Variants in SLC2A8 observed in about 807,000 individuals in gnomAD.
SLC2A8 encodes the protein solute carrier family 2 member 8.
SLC2A8 carries 53 observed loss-of-function variants against 49.2 expected under a neutral mutation model. The observed-to-expected ratio is 1.08, with a 90% confidence interval of 0.86 to 1.35. SLC2A8 has a LOEUF of 1.35. Among genes scored for constraint, SLC2A8 ranks in the 40% most tolerant of loss-of-function variants. SLC2A8 has a pLI of 0.00. For missense variants in SLC2A8, 688 were observed against 671.7 expected, an observed-to-expected ratio of 1.02 and a Z score of -0.27; for synonymous variants, 299 against 297.0, an observed-to-expected ratio of 1.01 and a Z score of -0.07.
In SLC2A8 at chr9:127,399,173, G is replaced by C. The variant is rs1833170303; in HGVS notation, c.427-734G>C. On this transcript the variant is annotated intron_variant, in intron 3 of 9. Coordinates refer to ENST00000373371, the MANE Select transcript of SLC2A8 (RefSeq NM_014580.5). The surrounding 1 kb of genome is among the most constrained non-coding windows in gnomAD (Gnocchi z 4.2). ...AGAGAGTTCGTGCTTCTAGTCCAAG[G>C]CCACCACTCAAAGCGTGGGCCCTGG... Among the ~76,000 whole-genome samples, 1 of 152,184 alleles carries C rather than the reference G, an allele frequency of 6.6e-6. No individual in the cohort carries two copies. Among genetic ancestry groups the C allele is most frequent in the South Asian group, 2.1e-4 (1 of 4,830 alleles).
chr9:127,397,472 C>G lies in SLC2A8; in HGVS notation c.153C>G (p.Ile51Met), dbSNP rs991644418. ...CGCTCGGCTACAGCTCCCCGGCCAT[C>G]CCTAGCCTGCAGCGCGCCGCGCCCC... ...GFALGYSSPAIPSLQRAAPPA... is the reference protein window; with the variant it reads ...GFALGYSSPAMPSLQRAAPPA... Residue 51 changes from isoleucine (I) to methionine (M), a missense_variant, in exon 2 of 10, where the codon ATC (isoleucine) becomes ATG (methionine). Ile to Met is a conservative substitution (Grantham distance 10, BLOSUM62 1). Transcript: ENST00000373371. 1.1e-5 allele frequency: 16 copies of G among 1,481,306 alleles called. No homozygotes were observed. The African/African-American group carries it at 2.1e-4, about 19-fold the overall frequency. 91.8% of individuals were successfully genotyped at this position (1,481,306 alleles called of 1,614,324 possible).
intron 9 of SLC2A8, chr9:127,406,125 G>A (rs1833484679): frequency 2.0e-6 from 1 of 509,664 alleles, no homozygotes; most frequent in Admixed American, 2.0e-5. Flanking sequence ...TAGATGATCT[G>A]GTTGTTTGTT....
In SLC2A8 at chr9:127,397,286, G is replaced by C; in HGVS notation, c.56G>C (p.Ser19Thr). 7.2e-7 allele frequency: 1 copy of C among 1,391,452 alleles called. No individual in the cohort carries two copies. Among genetic ancestry groups the C allele is most frequent in the Middle Eastern group, 2.3e-4 (1 of 4,398 alleles). 86.2% of individuals were successfully genotyped at this position (1,391,452 alleles called of 1,614,324 possible). The part of the protein sequence containing the change: ...TQPLLGPPGG[S>T]APRGRRVFLA... The stretch of plus-strand genomic sequence containing the variant: ...CCGCTTCTGGGGCCTCCTGGCGGCA[G>C]GTGAGCTCCGGGGAACCCGGGCCCG... The change falls in exon 1 of 10, where the codon AGC becomes ACC. Residue 19 changes from serine to threonine, a missense_variant and splice_region_variant. By Grantham distance (58) the Ser-to-Thr change is moderately conservative (BLOSUM62 1). Coordinates refer to ENST00000373371, the MANE Select transcript of SLC2A8 (RefSeq NM_014580.5).
In SLC2A8 at chr9:127,404,123, G is replaced by A. The variant is rs114648064; in HGVS notation, c.976+56G>A. 3,685 of 1,227,374 alleles carry A rather than the reference G, an allele frequency of 3.0e-3. 100 individuals carry two copies. The African/African-American group carries it at 0.05, about 17-fold the overall frequency. The allele number at this position is 1,227,374 out of a possible 1,614,324, so 76.0% of individuals were successfully genotyped here. A position where few individuals can be genotyped will look rare whatever the true frequency, so the allele number is the denominator to read the frequency against. ...CCATGCGGGGGAGGGCCTTCGCCAA[G>A]GCCACCACACTGCAGGAGGAGGACA... On this transcript the variant is annotated intron_variant, in intron 7 of 9. Coordinates refer to ENST00000373371, the MANE Select transcript of SLC2A8 (RefSeq NM_014580.5).
At chr9:127,403,345 G>A in intron 5 of SLC2A8, 2 of 430,302 alleles carry the variant, frequency 4.6e-6, no homozygotes, top group Non-Finnish European at 8.6e-6. Context: ...CTAGGGCCAG[G>A]CCCAGACCTG....
chr9:127,405,393 C>G (rs1334270757), intron 8 of SLC2A8, 27 bp from the exon 9 acceptor site: 2 of 1,609,586 alleles, frequency 1.2e-6, no homozygotes, highest in Non-Finnish European at 8.5e-7. Flanking sequence ...GACCCTGATG[C>G]CTGTCTTGCC....
Position 127,405,540 on chromosome 9 carries a change from T to C in SLC2A8, c.1271T>C (p.Val424Ala), listed in dbSNP as rs1328066380. Residue 424 changes from valine (V) to alanine (A), a missense_variant, in exon 9 of 10, where the codon GTG becomes GCG. By Grantham distance (64) the Val-to-Ala change is moderately conservative. Transcript: ENST00000373371. Reference protein sequence around the residue: ...VLTNWLMAFLVTKEFSSLMEV... With the variant: ...VLTNWLMAFLATKEFSSLMEV... The stretch of plus-strand genomic sequence containing the variant: ...ACCAACTGGCTCATGGCCTTTCTCG[T>C]GACCAAGGAGTTCAGCAGCCTCATG... 6.2e-7 allele frequency: 1 copy of C among 1,613,252 alleles called. No homozygotes were observed. The highest frequency in any genetic ancestry group is 8.5e-7 in the Non-Finnish European group (1 of 1,179,986).
At chr9:127,397,807 GC>G in intron 2 of SLC2A8, 97 bp from the exon 3 acceptor site, 1 of 1,282,702 alleles carries the variant, frequency 7.8e-7, no homozygotes, top group Non-Finnish European at 1.0e-6. Context: ...CGGGCGCGGG[GC>G]CCCGGCTCTT....
In SLC2A8 at chr9:127,405,413, C is replaced by G. The variant is rs745989592; in HGVS notation, c.1151-7C>G. On this transcript the variant is annotated splice_region_variant and splice_polypyrimidine_tract_variant and intron_variant, in intron 8 of 9. Transcript: ENST00000373371. ...TGATGCCTGTCTTGCCTGTCTCGCTCCCACAGGCTTTGCGGTGGGCTGGGG... is the reference window on the plus strand; with the variant it reads ...TGATGCCTGTCTTGCCTGTCTCGCTGCCACAGGCTTTGCGGTGGGCTGGGG... 1 of 1,612,260 alleles carries G rather than the reference C, an allele frequency of 6.2e-7. No individual in the cohort carries two copies. Among genetic ancestry groups the G allele is most frequent in the African/African-American group, 1.3e-5 (1 of 75,048 alleles).
chr9:127,404,197 G>A, intron 7 of SLC2A8, 130 bp downstream of exon 7: 1 of 655,866 alleles, frequency 1.5e-6, no homozygotes, highest in Non-Finnish European at 2.6e-6. Context: ...GCCATGATTT[G>A]ACAGCAGCTT....
intron 2 of SLC2A8, 57 bp downstream of exon 2, chr9:127,397,595 G>A: frequency 1.5e-6 from 2 of 1,363,132 alleles, no homozygotes; most frequent in Middle Eastern, 2.7e-4. Flanking sequence ...CTCTCGGGAC[G>A]GGCATCGGGA....
chr9:127,397,212 A>C lies in SLC2A8; in HGVS notation c.-19A>C. 2 of 1,454,806 alleles carry C rather than the reference A, an allele frequency of 1.4e-6. No individual in the cohort carries two copies. Among genetic ancestry groups the C allele is most frequent in the Non-Finnish European group, 1.8e-6 (2 of 1,111,768 alleles). The allele number at this position is 1,454,806 out of a possible 1,614,324, so 90.1% of individuals were successfully genotyped here. On this transcript the variant is annotated 5_prime_UTR_variant, in exon 1 of 10. Coordinates refer to ENST00000373371, the MANE Select transcript of SLC2A8 (RefSeq NM_014580.5). ...GCGGTTCAGGCGCCAGAGCTGGCCG[A>C]TCGGCGTTGGCCGCCGACATGACGC... is the stretch of plus-strand genomic sequence containing the variant.
chr9:127,397,191 T>C lies in SLC2A8; in HGVS notation c.-40T>C, dbSNP rs1183868503. ...GCCGCACTCGCAGGGCCCGTGGCGGTTCAGGCGCCAGAGCTGGCCGATCGG... is the reference window on the plus strand; with the variant it reads ...GCCGCACTCGCAGGGCCCGTGGCGGCTCAGGCGCCAGAGCTGGCCGATCGG... On this transcript the variant is annotated 5_prime_UTR_variant, in exon 1 of 10. Coordinates refer to ENST00000373371, the MANE Select transcript of SLC2A8 (RefSeq NM_014580.5). 2.8e-6 allele frequency: 4 copies of C among 1,443,494 alleles called. No individual in the cohort carries two copies. The South Asian group carries it at 4.1e-5, about 15-fold the overall frequency. 89.4% of individuals were successfully genotyped at this position (1,443,494 alleles called of 1,614,324 possible). A position where few individuals can be genotyped will look rare whatever the true frequency, so the allele number is the denominator to read the frequency against.
intron 9 of SLC2A8, 76 bp from the exon 10 acceptor site, chr9:127,407,036 C>T (rs1833515772): frequency 3.9e-6 from 6 of 1,555,478 alleles, no homozygotes; most frequent in South Asian, 1.1e-5. Context: ...CCCCTGGTGG[C>T]AGAGCTGTCT....
intron 3 of SLC2A8, 144 bp downstream of exon 3, chr9:127,398,255 G>A (rs1339472763): frequency 1.1e-5 from 10 of 871,498 alleles, no homozygotes; most frequent in Admixed American, 3.4e-5. Flanking sequence ...GTTATCTCGC[G>A]GTCCCTCCCG....
intron 8 of SLC2A8, 69 bp from the exon 9 acceptor site, chr9:127,405,351 C>T: frequency 6.4e-7 from 1 of 1,557,358 alleles, no homozygotes. Flanking sequence ...GGTCTCTTGG[C>T]TCTGCAGCAA....
At position 127,398,024 on chromosome 9, in the gene SLC2A8, C is replaced by T. The variant is rs2131873122; in HGVS notation, c.339C>T (p.Val113=). The T allele has an allele frequency of 6.3e-7, 1 of 1,576,912 alleles. No individual in the cohort carries two copies. The highest frequency in any genetic ancestry group is 8.6e-7 in the Non-Finnish European group (1 of 1,168,492). The change falls in exon 3 of 10, where the codon GTC becomes GTT. Residue 113 remains valine, a synonymous_variant. Transcript: ENST00000373371. The part of the protein sequence containing the change: ...CSVPFVAGFA[V]ITAAQDVWML... Reference sequence around the variant, plus strand: ...TGCCCTTCGTGGCCGGCTTTGCCGTCATCACCGCGGCCCAGGACGTGTGGA... The same window carrying T: ...TGCCCTTCGTGGCCGGCTTTGCCGTTATCACCGCGGCCCAGGACGTGTGGA...
rs1027716292 is a variant in SLC2A8 at position 127,397,205 on chromosome 9, CT to C, written c.-25del. ...GCCCGTGGCGGTTCAGGCGCCAGAGCTGGCCGATCGGCGTTGGCCGCCGACA... is the reference window on the plus strand; with the variant it reads ...GCCCGTGGCGGTTCAGGCGCCAGAGCGGCCGATCGGCGTTGGCCGCCGACA... On this transcript the variant is annotated 5_prime_UTR_variant, in exon 1 of 10. Coordinates refer to ENST00000373371, the MANE Select transcript of SLC2A8 (RefSeq NM_014580.5). The C allele has an allele frequency of 6.9e-7, 1 of 1,454,598 alleles. No individual in the cohort carries two copies. The highest frequency in any genetic ancestry group is 1.5e-5 in the African/African-American group (1 of 67,356). The allele number at this position is 1,454,598 out of a possible 1,614,324, so 90.1% of individuals were successfully genotyped here.
chr9:127,397,436 C>T lies in SLC2A8; in HGVS notation c.117C>T (p.Ser39=). ...TCGCCGCTGCCCTGGGCCCACTCAG[C>T]TTCGGCTTCGCGCTCGGCTACAGCT... The part of the protein sequence containing the change: ...AAFAAALGPL[S]FGFALGYSSP... The change falls in exon 2 of 10, where the codon AGC becomes AGT. Residue 39 remains serine (S), a synonymous_variant. Transcript: ENST00000373371. 1 of 1,487,352 alleles carries T rather than the reference C, an allele frequency of 6.7e-7. No homozygotes were observed. The allele number at this position is 1,487,352 out of a possible 1,614,324, so 92.1% of individuals were successfully genotyped here.
Sources: gnomAD v4.1 joint callset for allele counts (sites outside exome capture counted in the v4.1 genomes callset) on GRCh38, gnomAD v4.1.1 for gene constraint, Gnocchi (gnomAD v3.1) non-coding constraint, MANE v1.5 for transcripts, NCBI Gene and HGNC (gene_info 2026-07-23, HGNC 2026-07-21) for gene names.